The following SLC4A10 variants were observed in gnomAD, a reference collection of about 807,000 sequenced individuals.
SLC4A10 encodes solute carrier family 4 member 10, also known as sodium-driven chloride bicarbonate exchanger.
SLC4A10 carries 42 observed loss-of-function variants against 137.7 expected under a neutral mutation model. The ratio of observed to expected loss-of-function variants is 0.30; its 90% CI spans 0.24 to 0.39. The LOEUF (loss-of-function observed/expected upper bound fraction) is 0.39. Ranked by LOEUF, SLC4A10 falls within the 10% of genes least tolerant of loss-of-function variation. SLC4A10 has a pLI of 1.00. For synonymous variants in SLC4A10, 474 were observed against 464.1 expected (o/e 1.02, Z -0.27); for missense variants, 925 against 1,355.0 (o/e 0.68, Z 4.98).
chr2:161,682,657 A>G (rs1170378195), intron 1 of SLC4A10, among the ~76,000 whole-genome samples: 1 of 151,860 alleles, frequency 6.6e-6, no homozygotes, highest in Non-Finnish European at 1.5e-5. Context: ...TTTGGCTGTT[A>G]CTGTGGGTTC....
chr2:161,885,661 A>G (rs537167271), intron 10 of SLC4A10, among the ~76,000 whole-genome samples: 22 of 152,334 alleles, frequency 1.4e-4, no homozygotes, highest in African/African-American at 5.3e-4. Context: ...ATGCTTATCA[A>G]CACTGCTACC....
intron 1 of SLC4A10, among the ~76,000 whole-genome samples, chr2:161,722,255 A>G (rs1419820243): frequency 6.6e-6 from 1 of 152,104 alleles, no homozygotes; most frequent in Admixed American, 6.6e-5. Context: ...TGGAGGAGAG[A>G]GGCACTCTGG....
intron 5 of SLC4A10, among the ~76,000 whole-genome samples, chr2:161,856,899 T>G (rs1380948703): frequency 6.6e-6 from 1 of 152,190 alleles, no homozygotes; most frequent in African/African-American, 2.4e-5. Context: ...AAATCGATGA[T>G]GGCGCTACCT....
intron 15 of SLC4A10, among the ~76,000 whole-genome samples, chr2:161,922,094 G>GT (rs1472960036): frequency 6.6e-6 from 1 of 152,110 alleles, no homozygotes; most frequent in Admixed American, 6.5e-5. Flanking sequence ...TACAAATGAC[G>GT]TAAGTGCTAT....
At chr2:161,865,680 A>C (rs2060696119) in intron 6 of SLC4A10, among the ~76,000 whole-genome samples, 2 of 152,012 alleles carry the variant, frequency 1.3e-5, no homozygotes, top group African/African-American at 4.8e-5. Context: ...TTAGAAGTAA[A>C]TCTCCTACCC....
chr2:161,753,798 C>T (rs1159872417), intron 1 of SLC4A10, among the ~76,000 whole-genome samples: 1 of 152,014 alleles, frequency 6.6e-6, no homozygotes, highest in African/African-American at 2.4e-5. Context: ...GCAGCCCTTT[C>T]ATGAAACTTC....
intron 6 of SLC4A10, 49 bp from the exon 7 acceptor site, chr2:161,872,244 A>G: frequency 2.7e-6 from 4 of 1,458,760 alleles, no homozygotes; most frequent in Non-Finnish European, 3.8e-6. Context: ...CAGTATGTCT[A>G]CAACTATGTA....
Position 161,976,881 on chromosome 2 carries a change from G to A in SLC4A10, c.3344+5G>A, listed in dbSNP as rs1158777042. Reference sequence around the variant, plus strand: ...GTCAAGCTTTCCTTCCAAAAGGTTTGGATTTTAAAATAATGAGAATTTATA... The same window carrying A: ...GTCAAGCTTTCCTTCCAAAAGGTTTAGATTTTAAAATAATGAGAATTTATA... On this transcript the variant is annotated splice_donor_5th_base_variant and intron_variant, in intron 25 of 26. Coordinates refer to ENST00000446997, the MANE Select transcript of SLC4A10 (RefSeq NM_001178015.2). 1 of 1,506,204 alleles carries A rather than the reference G, an allele frequency of 6.6e-7. No homozygotes were observed. The highest frequency in any genetic ancestry group is 9.0e-7 in the Non-Finnish European group (1 of 1,107,970). 93.3% of individuals were successfully genotyped at this position (1,506,204 alleles called of 1,614,324 possible).
chr2:161,646,773 C>A (rs1558936965), intron 1 of SLC4A10, among the ~76,000 whole-genome samples: 1 of 151,874 alleles, frequency 6.6e-6, no homozygotes, highest in Non-Finnish European at 1.5e-5. Context: ...TTAGACATAT[C>A]CAGTGCCATA....
At chr2:161,755,002 A>T (rs2125325467) in intron 1 of SLC4A10, among the ~76,000 whole-genome samples, 1 of 152,282 alleles carries the variant, frequency 6.6e-6, no homozygotes, top group Non-Finnish European at 1.5e-5. Context: ...CACCAAAATA[A>T]TATAACTGAC....
intron 10 of SLC4A10, among the ~76,000 whole-genome samples, chr2:161,888,393 A>G (rs1280384025): frequency 6.6e-6 from 1 of 152,120 alleles, no homozygotes; most frequent in Non-Finnish European, 1.5e-5. Flanking sequence ...CAGTATGGCC[A>G]TTTTCACGAT....
At chr2:161,894,373 C>A (rs1481583594) in intron 10 of SLC4A10, among the ~76,000 whole-genome samples, 5 of 151,854 alleles carry the variant, frequency 3.3e-5, no homozygotes, top group African/African-American at 9.7e-5. Context: ...ACTGATTTTC[C>A]CATACATAAA....
At chr2:161,657,151 G>T (rs2037655336) in intron 1 of SLC4A10, among the ~76,000 whole-genome samples, 1 of 151,814 alleles carries the variant, frequency 6.6e-6, no homozygotes, top group Admixed American at 6.6e-5. Flanking sequence ...ATATTTGTTT[G>T]TTATTACTTA....
intron 1 of SLC4A10, among the ~76,000 whole-genome samples, chr2:161,754,123 T>C (rs2125321023): frequency 6.6e-6 from 1 of 152,076 alleles, no homozygotes; most frequent in Admixed American, 6.6e-5. Context: ...AGGCTGGTTT[T>C]GAATTCCTGG....
At chr2:161,771,753 T>C (rs2051639814) in intron 2 of SLC4A10, among the ~76,000 whole-genome samples, 1 of 151,886 alleles carries the variant, frequency 6.6e-6, no homozygotes, top group African/African-American at 2.4e-5. Flanking sequence ...ATACTGTCAA[T>C]TATTGTTATA....
chr2:161,744,728 ACTC>A (rs2048236828), intron 1 of SLC4A10, among the ~76,000 whole-genome samples: 1 of 151,634 alleles, frequency 6.6e-6, no homozygotes, highest in Non-Finnish European at 1.5e-5. Flanking sequence ...ACTAATAAAA[ACTC>A]CACACTTGAA....
At chr2:161,841,781 G>A (rs531094009) in intron 4 of SLC4A10, among the ~76,000 whole-genome samples, 86 of 152,268 alleles carry the variant, frequency 5.6e-4, no homozygotes, top group African/African-American at 2.0e-3. Flanking sequence ...ACAAGGTATA[G>A]GATGGCAGAA....
At chr2:161,976,519 T>A (rs968625238) in intron 24 of SLC4A10, among the ~76,000 whole-genome samples, 4 of 152,168 alleles carry the variant, frequency 2.6e-5, no homozygotes, top group Non-Finnish European at 5.9e-5. Flanking sequence ...TAAAAAGAGT[T>A]CTGGAAATGG....
intron 1 of SLC4A10, among the ~76,000 whole-genome samples, chr2:161,760,417 C>A (rs953437177): frequency 1.3e-5 from 2 of 152,026 alleles, no homozygotes; most frequent in African/African-American, 2.4e-5. Flanking sequence ...TACTTTTTTA[C>A]ATCAGGATTT....
Sources: allele counts gnomAD v4.1 joint callset (sites outside exome capture counted in the v4.1 genomes callset), GRCh38; gene constraint gnomAD v4.1.1; transcripts MANE v1.5; gene names NCBI Gene and HGNC (gene_info 2026-07-23, HGNC 2026-07-21).